The following ST7 variants were observed in gnomAD, a reference collection of about 807,000 sequenced individuals.
ST7 encodes the protein suppressor of tumorigenicity 7 protein.
A neutral mutation model predicts 78.7 loss-of-function variants in ST7; 28 were observed. That is an observed-to-expected ratio of 0.36 (90% CI 0.26 to 0.49). The LOEUF (loss-of-function observed/expected upper bound fraction) is 0.49. Among genes scored for constraint, ST7 ranks in the 20% least tolerant of loss-of-function variants. The pLI is 0.99. For missense variants in ST7, 418 were observed against 696.0 expected (o/e 0.60, Z 4.49); for synonymous variants, 247 against 249.6 (o/e 0.99, Z 0.10).
chr7:116,987,711 C>T (rs529815668), intron 1 of ST7, among the ~76,000 whole-genome samples: 1 of 152,138 alleles, frequency 6.6e-6, no homozygotes, highest in African/African-American at 2.4e-5. Flanking sequence ...CCAGAAATCA[C>T]CCACTGTGAA....
chr7:117,049,965 G>C (rs1157360430), intron 1 of ST7, among the ~76,000 whole-genome samples: 5 of 151,790 alleles, frequency 3.3e-5, no homozygotes, highest in African/African-American at 1.2e-4. Flanking sequence ...CCTGCACTTT[G>C]GGAGGCCGAG....
chr7:117,216,548 C>G lies in ST7; in HGVS notation c.1406-2536C>G, dbSNP rs1483358548. 3.9e-5 allele frequency among the ~76,000 whole-genome samples: 6 copies of G among 152,166 alleles called. No individual in the cohort carries two copies. The East Asian group carries it at 1.2e-3, about 29-fold the overall frequency. On this transcript the variant is annotated intron_variant, in intron 13 of 15. Transcript: ENST00000323984. ...AAATTTCTGGACATTTGGCAAAAGGCACAAGGCTGTCATGGAGCAGTTGCA... is the reference window on the plus strand; with the variant it reads ...AAATTTCTGGACATTTGGCAAAAGGGACAAGGCTGTCATGGAGCAGTTGCA...
At chr7:117,194,303 C>T (rs1341019378) in intron 12 of ST7, among the ~76,000 whole-genome samples, 1 of 152,172 alleles carries the variant, frequency 6.6e-6, no homozygotes, top group Non-Finnish European at 1.5e-5. Context: ...TAATCTGACC[C>T]AACTTGTTTT....
At chr7:117,080,071 C>T (rs1051427323) in intron 1 of ST7, among the ~76,000 whole-genome samples, 1 of 147,988 alleles carries the variant, frequency 6.8e-6, no homozygotes, top group Non-Finnish European at 1.5e-5. Context: ...AGCTCCGCCT[C>T]CCGGGTTCAC....
At chr7:117,031,857 T>TG in intron 1 of ST7, among the ~76,000 whole-genome samples, 1 of 120,348 alleles carries the variant, frequency 8.3e-6, no homozygotes, top group East Asian at 3.0e-4. Context: ...TATATCTATA[T>TG]CTATCTATCT....
At chr7:117,043,112 A>G (rs969866519) in intron 1 of ST7, among the ~76,000 whole-genome samples, 3 of 152,224 alleles carry the variant, frequency 2.0e-5, no homozygotes, top group Non-Finnish European at 4.4e-5. Context: ...TAGACATGTA[A>G]TAATGAGTTT....
chr7:117,204,267 A>G, intron 12 of ST7, among the ~76,000 whole-genome samples: 1 of 152,234 alleles, frequency 6.6e-6, no homozygotes, highest in East Asian at 1.9e-4. Flanking sequence ...AATATCTACT[A>G]TTCAATGCAC....
intron 2 of ST7, among the ~76,000 whole-genome samples, chr7:117,102,552 A>G (rs1434482237): frequency 6.6e-6 from 1 of 152,228 alleles, no homozygotes; most frequent in Non-Finnish European, 1.5e-5. Context: ...AGGTATGGGA[A>G]TGAATCTCTC....
At chr7:117,215,744 T>C (rs1792642822) in intron 13 of ST7, among the ~76,000 whole-genome samples, 1 of 152,198 alleles carries the variant, frequency 6.6e-6, no homozygotes, top group Admixed American at 6.5e-5. Flanking sequence ...TTGCTCTTAC[T>C]TTCATGATTG....
intron 9 of ST7, among the ~76,000 whole-genome samples, chr7:117,147,881 A>T (rs762525700): frequency 1.3e-5 from 2 of 149,566 alleles, no homozygotes; most frequent in Non-Finnish European, 3.0e-5. Context: ...TCTTTACATT[A>T]TGCTTAGAAA....
At chr7:117,228,269 A>G (rs1440404749) in intron 15 of ST7, among the ~76,000 whole-genome samples, 1 of 152,070 alleles carries the variant, frequency 6.6e-6, no homozygotes, top group African/African-American at 2.4e-5. Flanking sequence ...TTGGGCCTCT[A>G]TCCTGATTGC....
At chr7:117,064,630 C>T (rs189084927) in intron 1 of ST7, among the ~76,000 whole-genome samples, 42 of 152,312 alleles carry the variant, frequency 2.8e-4, no homozygotes, top group Admixed American at 2.7e-3. Flanking sequence ...CAAACTATCT[C>T]CTAAAACCAA....
chr7:117,022,183 C>T (rs1449460118), intron 1 of ST7, among the ~76,000 whole-genome samples: 1 of 152,206 alleles, frequency 6.6e-6, no homozygotes, highest in African/African-American at 2.4e-5. Flanking sequence ...TGTGTGAAAA[C>T]TGCTGGTTGC....
intron 1 of ST7, among the ~76,000 whole-genome samples, chr7:117,043,771 A>G (rs1169512264): frequency 6.6e-6 from 1 of 152,224 alleles, no homozygotes; most frequent in African/African-American, 2.4e-5. Context: ...AGTGCTATCA[A>G]TTTTTAAGTC....
Position 117,115,252 on chromosome 7 carries a change from C to T in ST7, c.235-4309C>T, listed in dbSNP as rs552152132. ...TATTGCCTTCTAACCTGGGAAACAG[C>T]TCATATCACACTCTACTTTCCAAAA... On this transcript the variant is annotated intron_variant, in intron 2 of 15. Coordinates refer to ENST00000323984, the MANE Select transcript of ST7 (RefSeq NM_001369598.1). Among the ~76,000 whole-genome samples the T allele has an allele frequency of 1.1e-4, 16 of 152,228 alleles. No individual in the cohort carries two copies. The South Asian group carries it at 3.1e-3, about 30-fold the overall frequency.
intron 12 of ST7, among the ~76,000 whole-genome samples, chr7:117,207,277 G>A (rs1791853626): frequency 2.6e-5 from 4 of 151,894 alleles, no homozygotes; most frequent in African/African-American, 9.7e-5. Context: ...CTGAACAGCT[G>A]GGATTGTAGG....
At chr7:117,189,872 G>A (rs1287668507) in intron 11 of ST7, among the ~76,000 whole-genome samples, 1 of 152,132 alleles carries the variant, frequency 6.6e-6, no homozygotes, top group Non-Finnish European at 1.5e-5. Flanking sequence ...TCAATGGTAC[G>A]TTTGCCTATT....
At chr7:117,148,435 G>T (rs969708687) in intron 9 of ST7, among the ~76,000 whole-genome samples, 8 of 152,036 alleles carry the variant, frequency 5.3e-5, no homozygotes, top group African/African-American at 1.7e-4. Flanking sequence ...GATGAATATT[G>T]TCTTTATTCA....
intron 12 of ST7, among the ~76,000 whole-genome samples, chr7:117,196,055 C>G (rs1301155740): frequency 6.6e-6 from 1 of 152,160 alleles, no homozygotes; most frequent in African/African-American, 2.4e-5. Context: ...AGCATAATGT[C>G]CTCAAGGTTC....
Sources: allele counts gnomAD v4.1 joint callset (sites outside exome capture counted in the v4.1 genomes callset), GRCh38; gene constraint gnomAD v4.1.1; transcripts MANE v1.5; gene names NCBI Gene and HGNC (gene_info 2026-07-23, HGNC 2026-07-21).